The following LMO7 variants were observed in gnomAD, a reference collection of about 807,000 sequenced individuals.
LMO7 encodes LIM domain only protein 7.
LMO7 carries 120 observed loss-of-function variants against 206.5 expected under a neutral mutation model. That is an observed-to-expected ratio of 0.58 (90% CI 0.50 to 0.68). The LOEUF is 0.68. LMO7 is among the 30% of genes least tolerant of loss of function. LMO7 has a pLI of 0.00. For missense variants in LMO7, 1,959 were observed against 1,957.9 expected (o/e 1.00, Z -0.01); for synonymous variants, 706 against 681.5 (o/e 1.04, Z -0.56).
At chr13:75,807,410 C>T (rs1312341397) in intron 9 of LMO7, 70 bp from the exon 10 acceptor site, 18 of 1,509,600 alleles carry the variant, frequency 1.2e-5, no homozygotes, top group East Asian at 4.6e-5. Context: ...TTTGGCTAGT[C>T]GATCTGCTAA....
At chr13:75,840,204 A>G in intron 21 of LMO7, 94 bp downstream of exon 21, 1 of 1,427,236 alleles carries the variant, frequency 7.0e-7, no homozygotes, top group African/African-American at 1.4e-5. Context: ...TAGGTTGCAT[A>G]AGAATTTATC....
Position 75,853,317 on chromosome 13 carries a change from C to T in LMO7, c.4590C>T (p.Ala1530=), listed in dbSNP as rs2060644362. Residue 1530 remains alanine, a synonymous_variant, in exon 28 of 31, where the codon GCC becomes GCT. Transcript: ENST00000377534. The part of the protein sequence containing the change: ...GSVKTSTTGV[A]TTQSPTPRSH... ...TGAAGACCTCCACCACAGGTGTGGC[C>T]ACCACACAGTCCCCCACCCCGAGAA... 6.2e-7 allele frequency: 1 copy of T among 1,613,866 alleles called. No homozygotes were observed. The highest frequency in any genetic ancestry group is 1.3e-5 in the African/African-American group (1 of 74,928).
At chr13:75,651,921 G>T (rs958005896) in intron 1 of LMO7, among the ~76,000 whole-genome samples, 2 of 152,040 alleles carry the variant, frequency 1.3e-5, no homozygotes, top group African/African-American at 4.8e-5. Context: ...ACTTGTCATT[G>T]GTTACCCTAT....
chr13:75,676,513 A>G (rs965727150), intron 1 of LMO7, among the ~76,000 whole-genome samples: 4 of 152,200 alleles, frequency 2.6e-5, no homozygotes, highest in South Asian at 2.1e-4. Flanking sequence ...CGGGGTGGAG[A>G]GCAAGAATTT....
rs552145611 is a variant in LMO7 at position 75,780,500 on chromosome 13, T to C, written c.318-14901T>C. ...CTTTATGGTTATCTCCCTTGTTCCC[T>C]GAACATCGCTGTTATCCTATTCCTT... On this transcript the variant is annotated intron_variant, in intron 4 of 30. Transcript: ENST00000377534. Among the ~76,000 whole-genome samples, 6 of 152,358 alleles carry C rather than the reference T, an allele frequency of 3.9e-5. No individual in the cohort carries two copies. In the East Asian group the frequency reaches 1.2e-3, roughly 29 times the overall value.
intron 7 of LMO7, among the ~76,000 whole-genome samples, chr13:75,801,462 T>C (rs1298208523): frequency 6.6e-6 from 1 of 152,226 alleles, no homozygotes; most frequent in African/African-American, 2.4e-5. Flanking sequence ...CTTTTGGTCC[T>C]TTCAGAGTCA....
At chr13:75,688,019 G>C (rs1453329062) in intron 1 of LMO7, among the ~76,000 whole-genome samples, 2 of 152,130 alleles carry the variant, frequency 1.3e-5, no homozygotes, top group Non-Finnish European at 2.9e-5. Flanking sequence ...ATAAAGGGGA[G>C]TTCCCCTGCA....
chr13:75,635,806 G>A (rs1445796894), upstream of LMO7: 1 of 152,144 alleles, frequency 6.6e-6, no homozygotes, highest in African/African-American at 2.4e-5. Flanking sequence ...GGGGCGGGGA[G>A]CGTGGGAGGG....
Position 75,819,450 on chromosome 13 carries a change from A to G in LMO7, c.2122A>G (p.Lys708Glu). 6.2e-7 allele frequency: 1 copy of G among 1,613,386 alleles called. No homozygotes were observed. The highest frequency in any genetic ancestry group is 2.2e-5 in the East Asian group (1 of 44,848). Residue 708 changes from lysine to glutamate, a missense_variant, in exon 13 of 31, where the codon AAA (lysine) becomes GAA (glutamate). By Grantham distance (56) the Lys-to-Glu change is moderately conservative. Coordinates refer to ENST00000377534, the MANE Select transcript of LMO7 (RefSeq NM_001306080.2). The part of the protein sequence containing the change: ...KSYTSDLQKK[K>E]EEREEIEKQA... ...TTACACTTCAGATCTGCAGAAGAAA[A>G]AAGAAGAGAGAGAAGAAATTGAAAA...
upstream of LMO7, chr13:75,636,036 A>T (rs2035777935): frequency 6.5e-6 from 1 of 153,390 alleles, no homozygotes; most frequent in Non-Finnish European, 1.4e-5. Flanking sequence ...GGGAGAGGGC[A>T]GGGGCCAGGC....
intron 1 of LMO7, among the ~76,000 whole-genome samples, chr13:75,691,794 G>A (rs2041499034): frequency 6.6e-6 from 1 of 151,954 alleles, no homozygotes; most frequent in Non-Finnish European, 1.5e-5. Context: ...CTCCTCATTA[G>A]GATACTGACC....
chr13:75,714,275 C>T (rs1171343100), intron 2 of LMO7, among the ~76,000 whole-genome samples: 1 of 152,116 alleles, frequency 6.6e-6, no homozygotes, highest in African/African-American at 2.4e-5. Flanking sequence ...GCCTTATTTT[C>T]TCATCGGTAA....
At chr13:75,752,451 T>C (rs1344799370) in intron 3 of LMO7, among the ~76,000 whole-genome samples, 1 of 152,078 alleles carries the variant, frequency 6.6e-6, no homozygotes, top group Non-Finnish European at 1.5e-5. Flanking sequence ...TTTAAAAAAA[T>C]TTATATTCAT....
intron 9 of LMO7, chr13:75,807,192 T>G: frequency 3.1e-6 from 1 of 327,650 alleles, no homozygotes; most frequent in Non-Finnish European, 5.7e-6. Context: ...CTGGGAGGGG[T>G]ACCTAGTCCA....
chr13:75,724,395 C>A (rs1594536438), intron 2 of LMO7, among the ~76,000 whole-genome samples: 1 of 152,130 alleles, frequency 6.6e-6, no homozygotes, highest in Middle Eastern at 3.4e-3. Flanking sequence ...GGAATACAGG[C>A]TGAAAAAATG....
At chr13:75,678,030 T>A (rs1394416114) in intron 1 of LMO7, among the ~76,000 whole-genome samples, 1 of 152,166 alleles carries the variant, frequency 6.6e-6, no homozygotes, top group Non-Finnish European at 1.5e-5. Context: ...ATTTTCTTAA[T>A]CCAGTCTATC....
chr13:75,730,517 C>T (rs1342766437), intron 3 of LMO7, among the ~76,000 whole-genome samples: 1 of 151,952 alleles, frequency 6.6e-6, no homozygotes, highest in African/African-American at 2.4e-5. Flanking sequence ...ATTCTTCTCT[C>T]TTTTTTCCTT....
At chr13:75,786,409 C>G (rs2052434208) in intron 4 of LMO7, among the ~76,000 whole-genome samples, 1 of 149,034 alleles carries the variant, frequency 6.7e-6, no homozygotes, top group South Asian at 2.1e-4. Context: ...GAGTCTCGCT[C>G]TGTTGCTCAG....
intron 1 of LMO7, among the ~76,000 whole-genome samples, chr13:75,676,328 A>G (rs772122608): frequency 1.0e-3 from 154 of 152,290 alleles, no homozygotes; most frequent in Non-Finnish European, 1.8e-3. Context: ...ATTAATCTCT[A>G]TGATTGTTAA....
Sources: allele counts gnomAD v4.1 joint callset (sites outside exome capture counted in the v4.1 genomes callset), GRCh38; gene constraint gnomAD v4.1.1; transcripts MANE v1.5; gene names NCBI Gene and HGNC (gene_info 2026-07-23, HGNC 2026-07-21).